GLI2: variants seen among roughly 807,000 people sequenced by gnomAD.
GLI2 encodes the protein GLI family zinc finger 2.
GLI2 carries 22 observed loss-of-function variants against 78.9 expected under a neutral mutation model. The observed-to-expected ratio is 0.28, with a 90% CI of 0.20 to 0.40. The LOEUF is 0.40. GLI2 is among the 10% of genes least tolerant of loss of function. GLI2 has a pLI of 1.00. For missense variants in GLI2, 2,097 were observed against 2,213.2 expected (o/e 0.95, Z 1.05); for synonymous variants, 974 against 963.7 (o/e 1.01, Z -0.20).
intron 2 of GLI2, among the ~76,000 whole-genome samples, chr2:120,907,640 G>A (rs893940161): frequency 2.0e-5 from 3 of 152,192 alleles, no homozygotes; most frequent in African/African-American, 7.2e-5. Flanking sequence ...GCTGCAAGCT[G>A]GAGAATCGCA....
intron 2 of GLI2, among the ~76,000 whole-genome samples, chr2:120,876,037 T>C (rs997829077): frequency 6.6e-6 from 1 of 152,148 alleles, no homozygotes; most frequent in East Asian, 1.9e-4. Context: ...CCATGCCAAA[T>C]GCTCCTTACA....
chr2:120,935,394 G>A (rs1196034934), intron 3 of GLI2, among the ~76,000 whole-genome samples: 3 of 152,200 alleles, frequency 2.0e-5, no homozygotes, highest in Non-Finnish European at 2.9e-5. Flanking sequence ...ATCCTTCCAC[G>A]GCTGTCTGAG....
chr2:120,844,956 G>C (rs912936560), intron 2 of GLI2, among the ~76,000 whole-genome samples: 33 of 152,088 alleles, frequency 2.2e-4, no homozygotes, highest in Admixed American at 7.2e-4. Context: ...TGTAGACTGG[G>C]TGGGAGGAGC....
At chr2:120,842,155 T>C (rs2104582595) in intron 2 of GLI2, among the ~76,000 whole-genome samples, 1 of 148,578 alleles carries the variant, frequency 6.7e-6, no homozygotes. Context: ...TGGTGAAAAA[T>C]CTCCCTCTCA....
chr2:120,778,450 G>C (rs1301348724), intron 1 of GLI2, among the ~76,000 whole-genome samples: 3 of 152,224 alleles, frequency 2.0e-5, no homozygotes, highest in Non-Finnish European at 4.4e-5. Flanking sequence ...AGGGGGCACG[G>C]TGGGTTACCT....
At chr2:120,772,459 G>A (rs932873261) in intron 1 of GLI2, among the ~76,000 whole-genome samples, 1 of 152,190 alleles carries the variant, frequency 6.6e-6, no homozygotes, top group African/African-American at 2.4e-5. Context: ...GAGCCTCGCA[G>A]CCAGGGAGCA....
chr2:120,770,125 C>T (rs1182790931), intron 1 of GLI2, among the ~76,000 whole-genome samples: 2 of 152,180 alleles, frequency 1.3e-5, no homozygotes, highest in Non-Finnish European at 2.9e-5. Context: ...AAGAATATAG[C>T]TTGGCGGCTC....
At chr2:120,811,351 G>T (rs968331102) in intron 2 of GLI2, among the ~76,000 whole-genome samples, 6 of 152,164 alleles carry the variant, frequency 3.9e-5, no homozygotes, top group African/African-American at 1.2e-4. Flanking sequence ...TGTACCAGGG[G>T]TGCTGTCCCC....
chr2:120,861,164 G>GA (rs1226566552), intron 2 of GLI2, among the ~76,000 whole-genome samples: 1 of 152,202 alleles, frequency 6.6e-6, no homozygotes, highest in Non-Finnish European at 1.5e-5. Context: ...TGAGGAACCC[G>GA]AGTTTCCTGA....
intron 1 of GLI2, among the ~76,000 whole-genome samples, chr2:120,740,736 A>T (rs1430852843): frequency 1.3e-5 from 2 of 152,302 alleles, no homozygotes; most frequent in East Asian, 1.9e-4. Context: ...CTTCTCTACA[A>T]ATCTGTGGAA....
chr2:120,779,484 A>G (rs1683776279), intron 1 of GLI2, among the ~76,000 whole-genome samples: 1 of 152,200 alleles, frequency 6.6e-6, no homozygotes, highest in South Asian at 2.1e-4. Context: ...CACAGAGTGC[A>G]CACACCTGAC....
At chr2:120,894,154 T>C (rs942846944) in intron 2 of GLI2, among the ~76,000 whole-genome samples, 13 of 152,222 alleles carry the variant, frequency 8.5e-5, no homozygotes, top group African/African-American at 3.1e-4. Context: ...ACTCTGACTT[T>C]CCGGAAAGGC....
intron 2 of GLI2, among the ~76,000 whole-genome samples, chr2:120,873,517 A>AG (rs1688572757): frequency 6.6e-6 from 1 of 152,212 alleles, no homozygotes; most frequent in Non-Finnish European, 1.5e-5. Flanking sequence ...TCTGTTGCAT[A>AG]GCAGCCTCTG....
chr2:120,907,359 A>C (rs1678584440), intron 2 of GLI2, among the ~76,000 whole-genome samples: 1 of 152,100 alleles, frequency 6.6e-6, no homozygotes, highest in Non-Finnish European at 1.5e-5. Flanking sequence ...GGAGGTCCGT[A>C]AACCAGAGAA....
chr2:120,990,030 G>A lies in GLI2; in HGVS notation c.4065G>A (p.Arg1355=). The change falls in exon 14 of 14, where the codon CGG becomes CGA. Residue 1355 remains arginine (R), a synonymous_variant. Transcript: ENST00000361492. ...CAGGCTTTGGCCTAGTGCAGCCCCG[G>A]CCTCCCCTCGAGCCCAGCCCCACTG... ...ATAGFGLVQP[R]PPLEPSPTGR... 1 of 1,605,906 alleles carries A rather than the reference G, an allele frequency of 6.2e-7. No homozygotes were observed. Among genetic ancestry groups the A allele is most frequent in the Non-Finnish European group, 8.5e-7 (1 of 1,175,948 alleles).
chr2:120,846,746 GT>G (rs756879334), intron 2 of GLI2, among the ~76,000 whole-genome samples: 5 of 152,230 alleles, frequency 3.3e-5, no homozygotes, highest in Non-Finnish European at 7.3e-5. Flanking sequence ...TTCAAAGCCA[GT>G]TGGGTGAGTT....
intron 2 of GLI2, among the ~76,000 whole-genome samples, chr2:120,797,690 C>T (rs532015572): frequency 6.9e-4 from 105 of 151,584 alleles, no homozygotes; most frequent in Non-Finnish European, 9.0e-4. Flanking sequence ...TGAGCTGCCT[C>T]AGACAGCGGT....
At chr2:120,923,348 A>G (rs1487775516) in intron 2 of GLI2, among the ~76,000 whole-genome samples, 1 of 151,784 alleles carries the variant, frequency 6.6e-6, no homozygotes, top group Non-Finnish European at 1.5e-5. Context: ...ACACGGCAGC[A>G]GACACATACC....
At chr2:120,823,112 C>A (rs761538376) in intron 2 of GLI2, among the ~76,000 whole-genome samples, 10 of 152,070 alleles carry the variant, frequency 6.6e-5, no homozygotes, top group Admixed American at 5.9e-4. Context: ...GTTTCCCAGG[C>A]GAGGCTGTGT....
Sources: gnomAD v4.1 joint callset for allele counts (sites outside exome capture counted in the v4.1 genomes callset) on GRCh38, gnomAD v4.1.1 for gene constraint, MANE v1.5 for transcripts, NCBI Gene and HGNC (gene_info 2026-07-23, HGNC 2026-07-21) for gene names.